The following FRMD3 variants were observed in gnomAD, a reference collection of about 807,000 sequenced individuals.
The protein encoded by FRMD3 is FERM domain containing 3.
FRMD3 carries 33 observed loss-of-function variants against 70.2 expected under a neutral mutation model. The ratio of observed to expected loss-of-function variants is 0.47; its 90% confidence interval spans 0.36 to 0.63. The LOEUF (loss-of-function observed/expected upper bound fraction) is 0.63, where lower values mean the gene tolerates loss of function less well. Ranked by LOEUF, FRMD3 falls within the 20% of genes least tolerant of loss-of-function variation. The probability of loss-of-function intolerance (pLI) is 0.00; values close to 1 mark genes in which losing one functional copy is unlikely to be tolerated. For missense variants in FRMD3, 632 were observed against 711.4 expected (o/e 0.89, Z 1.27); for synonymous variants, 279 against 255.9 (o/e 1.09, Z -0.86).
chr9:83,345,778 A>AAATT (rs896108537), intron 4 of FRMD3, among the ~76,000 whole-genome samples: 1 of 151,778 alleles, frequency 6.6e-6, no homozygotes, highest in South Asian at 2.1e-4. Context: ...AAAAATAAAG[A>AAATT]AATTAATTAA....
chr9:83,498,078 G>A (rs1038058928), intron 1 of FRMD3, among the ~76,000 whole-genome samples: 9 of 152,160 alleles, frequency 5.9e-5, no homozygotes, highest in African/African-American at 1.9e-4. Flanking sequence ...AACCCAGGAG[G>A]TGGAGGTTGC....
At chr9:83,290,801 C>T in intron 12 of FRMD3, 74 bp from the exon 13 acceptor site, 1 of 1,504,172 alleles carries the variant, frequency 6.6e-7, no homozygotes. Context: ...GCGGGCTGCC[C>T]AAGCTACCAT....
At chr9:83,559,744 C>T in the FRMD3 span, among the ~76,000 whole-genome samples, 2 of 151,994 alleles carry the variant, frequency 1.3e-5, no homozygotes, top group Admixed American at 6.6e-5. Flanking sequence ...ATAAATTTGT[C>T]AAAAGTCATA....
chr9:83,429,693 T>C (rs1378460510), intron 1 of FRMD3, among the ~76,000 whole-genome samples: 1 of 152,224 alleles, frequency 6.6e-6, no homozygotes, highest in African/African-American at 2.4e-5. Context: ...TGCCAGGTGC[T>C]GAGTGGGAGA....
At chr9:83,280,772 T>C (rs1833952315) in intron 13 of FRMD3, among the ~76,000 whole-genome samples, 1 of 152,232 alleles carries the variant, frequency 6.6e-6, no homozygotes, top group African/African-American at 2.4e-5. Context: ...AGAAATTTTA[T>C]GAAGAGGTGA....
At chr9:83,480,789 G>A (rs1318398494) in intron 1 of FRMD3, among the ~76,000 whole-genome samples, 1 of 152,104 alleles carries the variant, frequency 6.6e-6, no homozygotes, top group Non-Finnish European at 1.5e-5. Flanking sequence ...GCCACGAGAT[G>A]ATTTAAAGTA....
At chr9:83,507,736 A>ATATATATATATATATATATATATATATC in intron 1 of FRMD3, among the ~76,000 whole-genome samples, 1 of 88,700 alleles carries the variant, frequency 1.1e-5, no homozygotes, top group Admixed American at 1.3e-4. Context: ...ATATATATAT[A>ATATATATATATATATATATATATATATC]TATCTTCTGG....
chr9:83,299,434 A>C (rs371925631), intron 10 of FRMD3, among the ~76,000 whole-genome samples: 1 of 152,240 alleles, frequency 6.6e-6, no homozygotes, highest in African/African-American at 2.4e-5. Context: ...CATGACCCAC[A>C]TACTGGGTTT....
At chr9:83,469,482 G>T (rs1828213295) in intron 1 of FRMD3, among the ~76,000 whole-genome samples, 1 of 152,188 alleles carries the variant, frequency 6.6e-6, no homozygotes, top group Non-Finnish European at 1.5e-5. Context: ...AGTCAAATGA[G>T]AGAGTACAGG....
intron 1 of FRMD3, among the ~76,000 whole-genome samples, chr9:83,416,095 C>T (rs903404646): frequency 1.3e-5 from 2 of 152,302 alleles, no homozygotes; most frequent in African/African-American, 4.8e-5. Context: ...AAGGGACCTT[C>T]AGCCTCTCCT....
At chr9:83,250,266 C>T (rs1832339354) in intron 13 of FRMD3, among the ~76,000 whole-genome samples, 1 of 152,164 alleles carries the variant, frequency 6.6e-6, no homozygotes, top group Non-Finnish European at 1.5e-5. Context: ...GGAAACCACA[C>T]TTCTCCTTTG....
At position 83,246,968 on chromosome 9, in the gene FRMD3, A is replaced by C; in HGVS notation, c.*950T>G. ...ATTTCTCCAGTTCCTATCTGCCTTC[A>C]CTCTTGGGTTAATGTACATTGATAT... On this transcript the variant is annotated 3_prime_UTR_variant, in exon 14 of 14. Coordinates refer to ENST00000304195, the MANE Select transcript of FRMD3 (RefSeq NM_174938.6). The C allele has an allele frequency of 1.0e-6, 1 of 985,064 alleles. No homozygotes were observed. Among genetic ancestry groups the C allele is most frequent in the Non-Finnish European group, 1.2e-6 (1 of 829,872 alleles). The allele number at this position is 985,064 out of a possible 1,614,324, so 61.0% of individuals were successfully genotyped here. A position where few individuals can be genotyped will look rare whatever the true frequency, so the allele number is the denominator to read the frequency against.
chr9:83,421,269 C>T (rs1017327337), intron 1 of FRMD3, among the ~76,000 whole-genome samples: 3 of 152,144 alleles, frequency 2.0e-5, no homozygotes, highest in Non-Finnish European at 4.4e-5. Flanking sequence ...AATTACCCAG[C>T]CTCAGGTATT....
chr9:83,438,157 C>CA (rs1257171232), intron 1 of FRMD3, among the ~76,000 whole-genome samples: 5 of 151,526 alleles, frequency 3.3e-5, no homozygotes, highest in African/African-American at 1.2e-4. Context: ...GGATTTTCCC[C>CA]AAAAAAAGAA....
At chr9:83,322,788 C>T (rs940009235) in intron 6 of FRMD3, among the ~76,000 whole-genome samples, 1 of 152,182 alleles carries the variant, frequency 6.6e-6, no homozygotes, top group African/African-American at 2.4e-5. Context: ...CCCAGCTGGG[C>T]AAGCTGCCTC....
intron 10 of FRMD3, among the ~76,000 whole-genome samples, chr9:83,307,628 G>C (rs1288267780): frequency 1.3e-5 from 2 of 152,182 alleles, no homozygotes; most frequent in Non-Finnish European, 2.9e-5. Context: ...AAGTAGATTA[G>C]TGGTTGCCAG....
At chr9:83,525,225 ATAC>A (rs1429478033) in intron 1 of FRMD3, among the ~76,000 whole-genome samples, 4 of 152,218 alleles carry the variant, frequency 2.6e-5, no homozygotes, top group African/African-American at 2.4e-5. Flanking sequence ...ATTATAAGCC[ATAC>A]CCTGATCTGT....
the FRMD3 span, among the ~76,000 whole-genome samples, chr9:83,573,067 G>T: frequency 2.0e-5 from 3 of 151,252 alleles, no homozygotes; most frequent in African/African-American, 7.4e-5. Flanking sequence ...TAAGTACAGG[G>T]ATGACTGAAA....
chr9:83,529,942 C>G (rs886222178), intron 1 of FRMD3, among the ~76,000 whole-genome samples: 1 of 152,170 alleles, frequency 6.6e-6, no homozygotes, highest in Admixed American at 6.5e-5. Context: ...TGAGATCCCA[C>G]TCCACACCCA....
Sources: allele counts gnomAD v4.1 joint callset (sites outside exome capture counted in the v4.1 genomes callset), GRCh38; gene constraint gnomAD v4.1.1; transcripts MANE v1.5; gene names NCBI Gene and HGNC (gene_info 2026-07-23, HGNC 2026-07-21).